Variants in EPHB2 observed in about 807,000 individuals in gnomAD.
EPHB2 encodes ephrin type-B receptor 2.
In EPHB2, 18 loss-of-function variants were observed where a neutral mutation model predicts 96.4. The observed-to-expected ratio is 0.19, with a 90% CI of 0.13 to 0.28. The LOEUF is 0.28. Among genes scored for constraint, EPHB2 ranks in the 10% least tolerant of loss-of-function variants. The probability of loss-of-function intolerance (pLI) is 1.00; values close to 1 mark genes in which losing one functional copy is unlikely to be tolerated. For synonymous variants in EPHB2, 506 were observed against 534.1 expected, an observed-to-expected ratio of 0.95 and a Z score of 0.72; for missense variants, 989 against 1,355.4, an observed-to-expected ratio of 0.73 and a Z score of 4.25.
chr1:22,749,909 C>T lies in EPHB2; in HGVS notation c.62-31512C>T, dbSNP rs1448523710. Among the ~76,000 whole-genome samples the T allele has an allele frequency of 3.3e-5, 5 of 152,054 alleles. No individual in the cohort carries two copies. In the Middle Eastern group the frequency reaches 0.01, roughly 310 times the overall value. On this transcript the variant is annotated intron_variant, in intron 1 of 15. Coordinates refer to ENST00000374630, the MANE Select transcript of EPHB2 (RefSeq NM_017449.5). Reference sequence around the variant, plus strand: ...ATACATGAAGTTACCCTAATCAAGACGTGTGGTTTGACAAAGGACTTTCTT... The same window carrying T: ...ATACATGAAGTTACCCTAATCAAGATGTGTGGTTTGACAAAGGACTTTCTT...
At position 22,738,603 on chromosome 1, in the gene EPHB2, G is replaced by C. The variant is rs58450529; in HGVS notation, c.61+27560G>C. On this transcript the variant is annotated intron_variant, in intron 1 of 15. Coordinates refer to ENST00000374630, the MANE Select transcript of EPHB2 (RefSeq NM_017449.5). ...ACAGATAACTTCCGTGTGCTTTCCT[G>C]TTCTAGGGCCATACTGCAATTCAAT... Among the ~76,000 whole-genome samples the C allele has an allele frequency of 8.9e-3, 1,350 of 152,290 alleles. 23 individuals carry two copies. Among genetic ancestry groups the C allele is most frequent in the African/African-American group, 0.031 (1,303 of 41,542 alleles).
intron 5 of EPHB2, among the ~76,000 whole-genome samples, chr1:22,879,783 C>T (rs1271905204): frequency 1.3e-5 from 2 of 152,256 alleles, no homozygotes; most frequent in African/African-American, 2.4e-5. Flanking sequence ...TGACAACATG[C>T]CAGGTGCTAC....
Position 22,896,400 on chromosome 1 carries a change from T to C in EPHB2, c.1701-14T>C, listed in dbSNP as rs1272900467. 1 of 1,614,078 alleles carries C rather than the reference T, an allele frequency of 6.2e-7. No individual in the cohort carries two copies. Among genetic ancestry groups the C allele is most frequent in the East Asian group, 2.2e-5 (1 of 44,868 alleles). On this transcript the variant is annotated splice_polypyrimidine_tract_variant and intron_variant, in intron 8 of 15. Transcript: ENST00000374630. ...CCTTCAGGTGGCTCCAGCCCTTTGCTCTTGTTCCAGAAGACGGGGGTTTGA... is the reference window on the plus strand; with the variant it reads ...CCTTCAGGTGGCTCCAGCCCTTTGCCCTTGTTCCAGAAGACGGGGGTTTGA...
Position 22,776,687 on chromosome 1 carries a change from T to A in EPHB2, c.62-4734T>A, listed in dbSNP as rs1644458130. Among the ~76,000 whole-genome samples the A allele has an allele frequency of 2.6e-5, 4 of 152,220 alleles. No homozygotes were observed. In the South Asian group the frequency reaches 8.3e-4, roughly 32 times the overall value. On this transcript the variant is annotated intron_variant, in intron 1 of 15. Coordinates refer to ENST00000374630, the MANE Select transcript of EPHB2 (RefSeq NM_017449.5). ...TTCCATTTATAATCATGATTACGCT[T>A]TTTCCTCTTTAAGATGCATTTAAGA... is the stretch of plus-strand genomic sequence containing the variant.
chr1:22,825,169 C>T (rs990441108), intron 3 of EPHB2, among the ~76,000 whole-genome samples: 1 of 152,236 alleles, frequency 6.6e-6, no homozygotes, highest in African/African-American at 2.4e-5. Context: ...AGGAAAAGCA[C>T]TTGACCTCTC....
intron 1 of EPHB2, among the ~76,000 whole-genome samples, chr1:22,729,340 A>G (rs1425744144): frequency 6.6e-6 from 1 of 152,246 alleles, no homozygotes; most frequent in Non-Finnish European, 1.5e-5. Flanking sequence ...CCATAGCCAC[A>G]CTGGGAGACA....
At chr1:22,800,702 A>ATGTGTGTG (rs59671872) in intron 3 of EPHB2, among the ~76,000 whole-genome samples, 11 of 148,774 alleles carry the variant, frequency 7.4e-5, no homozygotes, top group South Asian at 2.1e-4. Flanking sequence ...GTGTGAGTAT[A>ATGTGTGTG]TGTGTGTGTG....
At chr1:22,763,292 C>T (rs892878158) in intron 1 of EPHB2, among the ~76,000 whole-genome samples, 15 of 152,274 alleles carry the variant, frequency 9.9e-5, no homozygotes, top group African/African-American at 3.1e-4. Context: ...TTTGGGAAGA[C>T]GAGTCCTGGG....
At chr1:22,823,806 C>G (rs571311606) in intron 3 of EPHB2, among the ~76,000 whole-genome samples, 3 of 152,358 alleles carry the variant, frequency 2.0e-5, no homozygotes, top group East Asian at 3.9e-4. Flanking sequence ...CAGCACCTAG[C>G]ATAGTGCCTG....
At chr1:22,786,607 A>T (rs1644614435) in intron 3 of EPHB2, among the ~76,000 whole-genome samples, 1 of 152,202 alleles carries the variant, frequency 6.6e-6, no homozygotes. Flanking sequence ...GATACCTAGA[A>T]GGACAGATGG....
intron 3 of EPHB2, among the ~76,000 whole-genome samples, chr1:22,842,245 C>G (rs1645480034): frequency 6.6e-6 from 1 of 152,126 alleles, no homozygotes; most frequent in African/African-American, 2.4e-5. Context: ...AGCCAGCTCA[C>G]TGATTGCGAG....
At chr1:22,895,397 G>C (rs944938173) in intron 7 of EPHB2, 75 bp from the exon 8 acceptor site, 13 of 1,402,722 alleles carry the variant, frequency 9.3e-6, no homozygotes, top group African/African-American at 4.2e-5. Flanking sequence ...CCAGCAGCAT[G>C]GCAGGGGGTA....
intron 3 of EPHB2, among the ~76,000 whole-genome samples, chr1:22,798,637 G>A (rs866888292): frequency 7.9e-5 from 12 of 152,222 alleles, no homozygotes; most frequent in Middle Eastern, 3.4e-3. Flanking sequence ...GTGCAGACCC[G>A]GAATTGGAAG....
At chr1:22,857,381 G>A (rs1645716351) in intron 3 of EPHB2, among the ~76,000 whole-genome samples, 1 of 152,038 alleles carries the variant, frequency 6.6e-6, no homozygotes, top group South Asian at 2.1e-4. Flanking sequence ...CCTAAAAGTG[G>A]GCACACACAT....
At position 22,865,057 on chromosome 1, in the gene EPHB2, C is replaced by A. The variant is rs772822931; in HGVS notation, c.1148C>A (p.Pro383Gln). Residue 383 changes from proline (P) to glutamine (Q), a missense_variant, in exon 5 of 16, where the codon CCA (proline) becomes CAA (glutamine). Transcript: ENST00000374630. ...TRCGDNVQYAPRQLGLTEPRI... is the reference protein window; with the variant it reads ...TRCGDNVQYAQRQLGLTEPRI... The stretch of plus-strand genomic sequence containing the variant: ...TGCGGGGACAATGTACAGTACGCAC[C>A]ACGCCAGCTAGGCCTGACCGAGCCA... 6.2e-7 allele frequency: 1 copy of A among 1,614,192 alleles called. No homozygotes were observed. Among genetic ancestry groups the A allele is most frequent in the South Asian group, 1.1e-5 (1 of 91,082 alleles).
At chr1:22,762,773 A>AT (rs1350006471) in intron 1 of EPHB2, among the ~76,000 whole-genome samples, 1 of 152,158 alleles carries the variant, frequency 6.6e-6, no homozygotes, top group East Asian at 1.9e-4. Context: ...AATCCATCTC[A>AT]TTATCATGAT....
chr1:22,820,635 G>A (rs972468206), intron 3 of EPHB2, among the ~76,000 whole-genome samples: 2 of 152,172 alleles, frequency 1.3e-5, no homozygotes, highest in South Asian at 4.1e-4. Context: ...TGCACTCCAT[G>A]CACTCCAGCC....
chr1:22,748,258 C>G (rs1179516175), intron 1 of EPHB2, among the ~76,000 whole-genome samples: 1 of 152,200 alleles, frequency 6.6e-6, no homozygotes, highest in African/African-American at 2.4e-5. Context: ...CTTCATCATA[C>G]CCTGCCAACT....
chr1:22,809,524 T>C (rs1644974711), intron 3 of EPHB2, among the ~76,000 whole-genome samples: 1 of 152,226 alleles, frequency 6.6e-6, no homozygotes, highest in South Asian at 2.1e-4. Context: ...TTATTTAGCA[T>C]TCACTGTGTG....
Sources: gnomAD v4.1 joint callset for allele counts (sites outside exome capture counted in the v4.1 genomes callset) on GRCh38, gnomAD v4.1.1 for gene constraint, MANE v1.5 for transcripts, NCBI Gene and HGNC (gene_info 2026-07-23, HGNC 2026-07-21) for gene names.